Variants in CTNNA3 observed in about 807,000 individuals in gnomAD.
CTNNA3 encodes the protein catenin alpha 3, also known as catenin alpha-3.
A neutral mutation model predicts 95.7 loss-of-function variants in CTNNA3; 76 were observed. The observed-to-expected ratio is 0.79, with a 90% CI of 0.66 to 0.96. CTNNA3 has a LOEUF of 0.96. Ranked by LOEUF, CTNNA3 falls within the 40% of genes least tolerant of loss-of-function variation. CTNNA3 has a pLI of 0.00. For missense variants in CTNNA3, 1,191 were observed against 1,089.8 expected (o/e 1.09, Z -1.31); for synonymous variants, 431 against 374.4 (o/e 1.15, Z -1.74).
At chr10:67,485,237 C>T (rs1038205787) in intron 5 of CTNNA3, among the ~76,000 whole-genome samples, 35 of 152,260 alleles carry the variant, frequency 2.3e-4, no homozygotes, top group African/African-American at 7.0e-4. Flanking sequence ...AAATACCACA[C>T]GTTCTCATTT....
chr10:66,686,393 G>A (rs1847297792), intron 9 of CTNNA3, among the ~76,000 whole-genome samples: 1 of 152,320 alleles, frequency 6.6e-6, no homozygotes, highest in South Asian at 2.1e-4. Context: ...AGTCTTGCAG[G>A]TTGAGGCTGC....
chr10:66,901,507 A>T (rs181952288), intron 7 of CTNNA3, among the ~76,000 whole-genome samples: 24 of 152,352 alleles, frequency 1.6e-4, no homozygotes, highest in African/African-American at 4.8e-4. Context: ...TAATGACAGG[A>T]TCAAATTCAC....
intron 1 of CTNNA3, among the ~76,000 whole-genome samples, chr10:67,688,550 A>G (rs1027975521): frequency 2.0e-5 from 3 of 152,128 alleles, no homozygotes; most frequent in Non-Finnish European, 2.9e-5. Flanking sequence ...TGTACTTTAT[A>G]CTTCCTTCAG....
At chr10:67,628,263 A>AG (rs146052813) in intron 2 of CTNNA3, among the ~76,000 whole-genome samples, 1 of 142,972 alleles carries the variant, frequency 7.0e-6, no homozygotes, top group African/African-American at 2.9e-5. Flanking sequence ...AAAAAAAAAA[A>AG]GGGGAGAAAC....
chr10:66,633,946 G>A (rs1382348511), intron 9 of CTNNA3, among the ~76,000 whole-genome samples: 1 of 151,950 alleles, frequency 6.6e-6, no homozygotes, highest in Non-Finnish European at 1.5e-5. Context: ...GGTGTATATG[G>A]AACACACCAA....
rs570127468 is a variant in CTNNA3 at position 66,896,300 on chromosome 10, A to G, written c.1048-120776T>C. Among the ~76,000 whole-genome samples the G allele has an allele frequency of 5.3e-5, 8 of 152,266 alleles. No individual in the cohort carries two copies. In the East Asian group the frequency reaches 1.5e-3, roughly 29 times the overall value. ...AGGCCTAAATAGCTATAACTCTGTT[A>G]TTTAAGTAGGCTAATGGACTCTATA... On this transcript the variant is annotated intron_variant, in intron 7 of 17. Coordinates refer to ENST00000433211, the MANE Select transcript of CTNNA3 (RefSeq NM_013266.4).
intron 5 of CTNNA3, among the ~76,000 whole-genome samples, chr10:67,460,447 A>G (rs1386416202): frequency 1.3e-5 from 2 of 152,164 alleles, no homozygotes; most frequent in African/African-American, 4.8e-5. Context: ...TGCCCAAGTG[A>G]TTTTTTGTAG....
At chr10:66,834,841 T>C (rs1194727794) in intron 7 of CTNNA3, among the ~76,000 whole-genome samples, 1 of 152,230 alleles carries the variant, frequency 6.6e-6, no homozygotes, top group Admixed American at 6.5e-5. Flanking sequence ...AGAGCTCTTA[T>C]TCTGTTGTGG....
Position 65,969,114 on chromosome 10 carries a change from C to T in CTNNA3, c.2266-2368G>A, listed in dbSNP as rs866225033. 5.3e-5 allele frequency among the ~76,000 whole-genome samples: 8 copies of T among 152,150 alleles called. No individual in the cohort carries two copies. The Middle Eastern group carries it at 0.014, about 261-fold the overall frequency. On this transcript the variant is annotated intron_variant, in intron 16 of 17. Coordinates refer to ENST00000433211, the MANE Select transcript of CTNNA3 (RefSeq NM_013266.4). ...TACAGGCTTGTAGGTGGAACTGAACCGCCCAATATGAAACCTGCTGACAGA... is the reference window on the plus strand; with the variant it reads ...TACAGGCTTGTAGGTGGAACTGAACTGCCCAATATGAAACCTGCTGACAGA...
intron 9 of CTNNA3, among the ~76,000 whole-genome samples, chr10:66,732,121 C>T (rs1030834159): frequency 6.6e-6 from 1 of 152,226 alleles, no homozygotes. Context: ...AGGTTATTCT[C>T]TTCCTTTGCT....
intron 12 of CTNNA3, among the ~76,000 whole-genome samples, chr10:66,337,347 C>G (rs2092408413): frequency 6.6e-6 from 1 of 152,060 alleles, no homozygotes; most frequent in Admixed American, 6.5e-5. Flanking sequence ...CGGATAAGTA[C>G]AGATACACTT....
intron 13 of CTNNA3, among the ~76,000 whole-genome samples, chr10:66,169,659 T>C (rs932472341): frequency 2.0e-5 from 3 of 152,194 alleles, no homozygotes; most frequent in Admixed American, 6.5e-5. Flanking sequence ...AGTGTTCCCT[T>C]TTCACTGCAT....
chr10:67,001,018 A>G (rs1851652331), intron 7 of CTNNA3, among the ~76,000 whole-genome samples: 1 of 152,044 alleles, frequency 6.6e-6, no homozygotes, highest in Non-Finnish European at 1.5e-5. Flanking sequence ...TAAAAATTAA[A>G]TAGGCCAGGT....
intron 2 of CTNNA3, among the ~76,000 whole-genome samples, chr10:67,613,894 T>C (rs1843553633): frequency 6.6e-6 from 1 of 152,176 alleles, no homozygotes. Context: ...CCGGAGTTGG[T>C]TCCTTCTGGT....
intron 9 of CTNNA3, among the ~76,000 whole-genome samples, chr10:66,692,990 A>G (rs1414565541): frequency 6.6e-6 from 1 of 152,212 alleles, no homozygotes; most frequent in African/African-American, 2.4e-5. Flanking sequence ...AACAACCGGT[A>G]CCAGCCACTG....
At chr10:67,679,446 A>G (rs1047285347) in intron 1 of CTNNA3, among the ~76,000 whole-genome samples, 29 of 152,240 alleles carry the variant, frequency 1.9e-4, no homozygotes, top group African/African-American at 6.8e-4. Flanking sequence ...TGGCATACTA[A>G]TGGAAAATGA....
intron 7 of CTNNA3, among the ~76,000 whole-genome samples, chr10:66,855,968 C>A (rs1046505579): frequency 6.6e-6 from 1 of 151,854 alleles, no homozygotes; most frequent in Non-Finnish European, 1.5e-5. Flanking sequence ...GGTACACATG[C>A]AGGTTTGTTA....
At chr10:67,183,125 G>C (rs1280145304) in intron 6 of CTNNA3, among the ~76,000 whole-genome samples, 1 of 152,228 alleles carries the variant, frequency 6.6e-6, no homozygotes, top group Non-Finnish European at 1.5e-5. Flanking sequence ...ATGGAAGTCA[G>C]TGTGGTGATT....
intron 14 of CTNNA3, among the ~76,000 whole-genome samples, chr10:66,074,053 G>T (rs1334882131): frequency 6.6e-6 from 1 of 151,872 alleles, no homozygotes. Context: ...TTCTAAAACT[G>T]TAGATTTGCC....
Sources: allele counts gnomAD v4.1 joint callset (sites outside exome capture counted in the v4.1 genomes callset), GRCh38; gene constraint gnomAD v4.1.1; transcripts MANE v1.5; gene names NCBI Gene and HGNC (gene_info 2026-07-23, HGNC 2026-07-21).